The following RAD51 variants were observed in gnomAD, a reference collection of about 807,000 sequenced individuals.
RAD51 encodes RAD51 recombinase.
In RAD51, 14 loss-of-function variants were observed where a neutral mutation model predicts 41.5. The observed-to-expected ratio is 0.34, with a 90% CI of 0.22 to 0.53. The LOEUF (loss-of-function observed/expected upper bound fraction) is 0.53. Among genes scored for constraint, RAD51 ranks in the 20% least tolerant of loss-of-function variants. RAD51 has a pLI of 0.95. For missense variants in RAD51, 234 were observed against 422.0 expected, an observed-to-expected ratio of 0.55 and a Z score of 3.90; for synonymous variants, 136 against 148.6, an observed-to-expected ratio of 0.92 and a Z score of 0.62.
intron 1 of RAD51, among the ~76,000 whole-genome samples, chr15:40,697,325 A>G (rs964989398): frequency 6.6e-6 from 1 of 152,090 alleles, no homozygotes; most frequent in Non-Finnish European, 1.5e-5. Context: ...GCTGGTCTTG[A>G]ACTCCTGAAC....
At chr15:40,710,529 GA>G (rs1190449377) in intron 5 of RAD51, among the ~76,000 whole-genome samples, 1 of 139,270 alleles carries the variant, frequency 7.2e-6, no homozygotes, top group East Asian at 2.2e-4. Flanking sequence ...AAAAAAGAAT[GA>G]AAAAAGGAAA....
chr15:40,696,066 C>T (rs1364568213), intron 1 of RAD51, among the ~76,000 whole-genome samples: 3 of 151,880 alleles, frequency 2.0e-5, no homozygotes, highest in Non-Finnish European at 4.4e-5. Context: ...TTAGTAGAGA[C>T]GGGGTTTCAC....
chr15:40,713,108 T>C (rs953983360), intron 5 of RAD51, among the ~76,000 whole-genome samples: 8 of 151,840 alleles, frequency 5.3e-5, no homozygotes, highest in African/African-American at 1.7e-4. Context: ...CTCAAACTCC[T>C]GACCTCAAGT....
At chr15:40,701,372 C>CT (rs1894979284) in intron 3 of RAD51, among the ~76,000 whole-genome samples, 171 bp downstream of exon 3, 1 of 128,310 alleles carries the variant, frequency 7.8e-6, no homozygotes, top group African/African-American at 2.9e-5. Context: ...TTTTTTTTTT[C>CT]TTTCTTTTTT....
At chr15:40,704,176 C>T (rs1040504369) in intron 3 of RAD51, among the ~76,000 whole-genome samples, 1 of 151,636 alleles carries the variant, frequency 6.6e-6, no homozygotes, top group Admixed American at 6.6e-5. Flanking sequence ...TGGGTTCAAG[C>T]GATTCTCCTG....
intron 1 of RAD51, among the ~76,000 whole-genome samples, chr15:40,697,574 C>CTTTTTTTTT (rs11340353): frequency 9.5e-6 from 1 of 105,512 alleles, no homozygotes; most frequent in African/African-American, 3.8e-5. Flanking sequence ...GATGATATTT[C>CTTTTTTTTT]TTTTTTTTTT....
Position 40,731,451 on chromosome 15 carries a change from G to T in RAD51, c.*273G>T. ...AGGGGTATGAAGTATCTTTGACATG[G>T]TGCCTTAGGAATGACTTGGGTTTAA... On this transcript the variant is annotated 3_prime_UTR_variant, in exon 10 of 10. Coordinates refer to ENST00000267868, the MANE Select transcript of RAD51 (RefSeq NM_002875.5). 4.4e-6 allele frequency: 2 copies of T among 451,882 alleles called. No individual in the cohort carries two copies. The highest frequency in any genetic ancestry group is 1.9e-5 in the African/African-American group (1 of 51,512). The allele number at this position is 451,882 out of a possible 1,614,324, so 28.0% of individuals were successfully genotyped here. A position where few individuals can be genotyped will look rare whatever the true frequency, so the allele number is the denominator to read the frequency against.
At chr15:40,701,348 T>A in intron 3 of RAD51, 147 bp downstream of exon 3, 1 of 858,818 alleles carries the variant, frequency 1.2e-6, no homozygotes, top group African/African-American at 1.7e-5. Context: ...CTTTTCTTCT[T>A]TTCTTTTCTT....
intron 9 of RAD51, 71 bp downstream of exon 9, chr15:40,730,045 A>G: frequency 5.7e-6 from 9 of 1,577,318 alleles, no homozygotes; most frequent in Non-Finnish European, 7.0e-6. Context: ...AAGATATAAC[A>G]TTTTCATTTA....
In RAD51 at chr15:40,698,863, A is replaced by C. The variant is rs771222355; in HGVS notation, c.87+18A>C. The C allele has an allele frequency of 5.0e-6, 8 of 1,606,654 alleles. No individual in the cohort carries two copies. The South Asian group carries it at 7.7e-5, about 15-fold the overall frequency. ...GGTTAGAGGTATGTGGTTAGTTGCT[A>C]ATTTTGGAATTATATACTAGATTCT... On this transcript the variant is annotated intron_variant, in intron 2 of 9. Transcript: ENST00000267868.
Position 40,731,872 on chromosome 15 carries a change from A to C in RAD51, c.*694A>C, listed in dbSNP as rs45527134. The C allele has an allele frequency of 5.2e-4, 110 of 212,660 alleles. 3 individuals are homozygous for C. In the South Asian group the frequency reaches 0.019, roughly 36 times the overall value. 13.2% of individuals were successfully genotyped at this position (212,660 alleles called of 1,614,324 possible). ...GGCAGGTGGATCGCTTGAGCCCAGG[A>C]GTTTTAAGTCCAGCTTGGCCAAGGT... On this transcript the variant is annotated 3_prime_UTR_variant, in exon 10 of 10. Coordinates refer to ENST00000267868, the MANE Select transcript of RAD51 (RefSeq NM_002875.5).
At position 40,698,810 on chromosome 15, in the gene RAD51, G is replaced by T. The variant is rs1487695348; in HGVS notation, c.52G>T (p.Glu18Ter). ...EANADTSVEEESFGPQPISRL... is the reference protein window; with the variant it reads ...EANADTSVEE ...AAATGCAGATACTTCAGTGGAAGAAGAAAGCTTTGGCCCACAACCCATTTC... is the reference window on the plus strand; with the variant it reads ...AAATGCAGATACTTCAGTGGAAGAATAAAGCTTTGGCCCACAACCCATTTC... Residue 18 changes from glutamate to a stop codon, truncating the protein, a stop_gained, in exon 2 of 10, where the codon GAA becomes TAA. Coordinates refer to ENST00000267868, the MANE Select transcript of RAD51 (RefSeq NM_002875.5). LOFTEE classifies it high-confidence loss of function. 6.2e-7 allele frequency: 1 copy of T among 1,614,220 alleles called. No homozygotes were observed. Among genetic ancestry groups the T allele is most frequent in the Admixed American group, 1.7e-5 (1 of 60,028 alleles).
intron 5 of RAD51, among the ~76,000 whole-genome samples, chr15:40,717,257 G>A (rs1305292464): frequency 6.6e-6 from 1 of 152,036 alleles, no homozygotes; most frequent in Non-Finnish European, 1.5e-5. Context: ...AGAATCCCTT[G>A]AACCCGGGAG....
chr15:40,695,603 G>C (rs1894570251), intron 1 of RAD51, 178 bp downstream of exon 1: 1 of 152,324 alleles, frequency 6.6e-6, no homozygotes, highest in African/African-American at 2.4e-5. Flanking sequence ...GAAAACACAA[G>C]TGGACCTCAG....
intron 1 of RAD51, among the ~76,000 whole-genome samples, chr15:40,697,574 C>CTTTTTTTTTTTTTTTTTTTT: frequency 9.5e-6 from 1 of 105,516 alleles, no homozygotes; most frequent in Non-Finnish European, 1.8e-5. Flanking sequence ...GATGATATTT[C>CTTTTTTTTTTTTTTTTTTTT]TTTTTTTTTT....
intron 5 of RAD51, among the ~76,000 whole-genome samples, chr15:40,715,254 G>A: frequency 6.6e-6 from 1 of 152,172 alleles, no homozygotes; most frequent in Non-Finnish European, 1.5e-5. Flanking sequence ...TACTTGGGAG[G>A]CTGAGGCAGA....
At chr15:40,727,679 TC>T (rs1479170702) in intron 6 of RAD51, among the ~76,000 whole-genome samples, 2 of 151,180 alleles carry the variant, frequency 1.3e-5, no homozygotes, top group Non-Finnish European at 2.9e-5. Context: ...ACCTGTTACA[TC>T]TTTTTTTTTT....
chr15:40,725,674 C>T (rs149536994), intron 6 of RAD51, among the ~76,000 whole-genome samples: 7 of 152,128 alleles, frequency 4.6e-5, no homozygotes, highest in African/African-American at 9.7e-5. Flanking sequence ...ATCAGATACT[C>T]GGGCTAGCAA....
intron 6 of RAD51, among the ~76,000 whole-genome samples, chr15:40,722,318 CAGG>C (rs1430395215): frequency 6.6e-6 from 1 of 151,594 alleles, no homozygotes; most frequent in East Asian, 1.9e-4. Context: ...GCGGCTGAGG[CAGG>C]AGAATCGCTT....
Sources: allele counts gnomAD v4.1 joint callset (sites outside exome capture counted in the v4.1 genomes callset), GRCh38; gene constraint gnomAD v4.1.1; transcripts MANE v1.5; gene names NCBI Gene and HGNC (gene_info 2026-07-23, HGNC 2026-07-21).